GALNT17: variants seen among roughly 807,000 people sequenced by gnomAD.
The protein encoded by GALNT17 is UDP-GalNAc:polypeptide N-acetylgalactosaminyltransferase-like 3.
In GALNT17, 29 loss-of-function variants were observed where a neutral mutation model predicts 63.7. The observed-to-expected ratio is 0.46, with a 90% CI of 0.34 to 0.62. The LOEUF (loss-of-function observed/expected upper bound fraction) is 0.62. Ranked by LOEUF, GALNT17 falls within the 20% of genes least tolerant of loss-of-function variation. GALNT17 has a pLI of 0.01. For synonymous variants in GALNT17, 305 were observed against 318.3 expected (o/e 0.96, Z 0.45); for missense variants, 603 against 799.6 (o/e 0.75, Z 2.97).
chr7:71,440,182 G>A (rs1787040075), intron 5 of GALNT17, among the ~76,000 whole-genome samples: 1 of 151,758 alleles, frequency 6.6e-6, no homozygotes, highest in Non-Finnish European at 1.5e-5. Flanking sequence ...CATCTTTTCA[G>A]GCCCTCTTAC....
At chr7:71,630,326 G>A (rs138322677) in intron 6 of GALNT17, among the ~76,000 whole-genome samples, 35 of 152,194 alleles carry the variant, frequency 2.3e-4, no homozygotes, top group African/African-American at 7.0e-4. Flanking sequence ...GCAAACTCCC[G>A]TGCCAAAAAA....
In GALNT17 at chr7:71,133,042, T is replaced by A. The variant is rs1381873569; in HGVS notation, c.238+2T>A. On this transcript the variant is annotated splice_donor_variant, in intron 1 of 10. Coordinates refer to ENST00000333538, the MANE Select transcript of GALNT17 (RefSeq NM_022479.3). LOFTEE classifies it high-confidence loss of function. Reference sequence around the variant, plus strand: ...ACATCGTGTACCGGCAGCTGAATGGTAAGGACGCACGCCGGCGCCTCCGGG... The same window carrying A: ...ACATCGTGTACCGGCAGCTGAATGGAAAGGACGCACGCCGGCGCCTCCGGG... 2 of 1,560,394 alleles carry A rather than the reference T, an allele frequency of 1.3e-6. No individual in the cohort carries two copies. The highest frequency in any genetic ancestry group is 1.7e-6 in the Non-Finnish European group (2 of 1,155,118).
At chr7:71,198,903 A>T (rs1363102704) in intron 1 of GALNT17, among the ~76,000 whole-genome samples, 2 of 152,204 alleles carry the variant, frequency 1.3e-5, no homozygotes, top group Non-Finnish European at 2.9e-5. Context: ...TCAGAATCAC[A>T]TGGAGAGCTT....
chr7:71,387,889 T>C (rs1205087241), intron 2 of GALNT17, among the ~76,000 whole-genome samples: 1 of 152,144 alleles, frequency 6.6e-6, no homozygotes, highest in Admixed American at 6.5e-5. Context: ...ACTCAAACCT[T>C]TGTTTCAGGC....
intron 3 of GALNT17, among the ~76,000 whole-genome samples, chr7:71,411,224 G>A (rs111828490): frequency 6.6e-6 from 1 of 152,002 alleles, no homozygotes; most frequent in South Asian, 2.1e-4. Context: ...GGGTTCAAGC[G>A]ATTCTTCCAC....
intron 5 of GALNT17, among the ~76,000 whole-genome samples, chr7:71,555,095 C>T (rs796791445): frequency 2.0e-5 from 3 of 152,136 alleles, no homozygotes; most frequent in African/African-American, 7.2e-5. Flanking sequence ...GTCCTAGAGT[C>T]TTCGTTAACA....
At chr7:71,450,943 T>TA (rs201170997) in intron 5 of GALNT17, among the ~76,000 whole-genome samples, 1 of 137,970 alleles carries the variant, frequency 7.2e-6, no homozygotes, top group African/African-American at 2.7e-5. Context: ...TTTTTTTTTT[T>TA]ATTATACTCT....
At chr7:71,584,800 C>T (rs371076679) in intron 6 of GALNT17, among the ~76,000 whole-genome samples, 2 of 151,872 alleles carry the variant, frequency 1.3e-5, no homozygotes, top group African/African-American at 2.4e-5. Context: ...GACAGAGTCT[C>T]GCGAAGTGCA....
chr7:71,323,245 A>G (rs1308751768), intron 1 of GALNT17, among the ~76,000 whole-genome samples: 1 of 152,174 alleles, frequency 6.6e-6, no homozygotes, highest in Non-Finnish European at 1.5e-5. Context: ...TATTTATTTG[A>G]ACTATAAACC....
intron 6 of GALNT17, among the ~76,000 whole-genome samples, chr7:71,622,787 C>T (rs1482298348): frequency 2.0e-5 from 3 of 152,150 alleles, no homozygotes; most frequent in Non-Finnish European, 2.9e-5. Context: ...TTCTCCCAGG[C>T]GAGTTCTAAG....
chr7:71,239,542 G>A (rs1789957175), intron 1 of GALNT17, among the ~76,000 whole-genome samples: 1 of 152,204 alleles, frequency 6.6e-6, no homozygotes. Flanking sequence ...TTGTTATGCA[G>A]CAAGAGAGAT....
At chr7:71,325,975 A>G (rs1791697735) in intron 1 of GALNT17, among the ~76,000 whole-genome samples, 1 of 152,236 alleles carries the variant, frequency 6.6e-6, no homozygotes, top group African/African-American at 2.4e-5. Context: ...CCCAGTCTTC[A>G]TACCACTTTA....
At chr7:71,638,002 A>G (rs776249082) in intron 6 of GALNT17, among the ~76,000 whole-genome samples, 5 of 152,226 alleles carry the variant, frequency 3.3e-5, no homozygotes, top group African/African-American at 9.6e-5. Context: ...TCTTGATGAT[A>G]TGCTAAACAA....
chr7:71,435,142 C>A (rs757709), intron 5 of GALNT17, among the ~76,000 whole-genome samples: 126,174 of 152,106 alleles, frequency 0.83, 52,916 homozygotes, highest in Non-Finnish European at 0.9. Context: ...CCTGGGCATC[C>A]TAGCAAGACC....
chr7:71,594,428 C>T (rs950048784), intron 6 of GALNT17, among the ~76,000 whole-genome samples: 30 of 152,012 alleles, frequency 2.0e-4, no homozygotes, highest in African/African-American at 5.5e-4. Flanking sequence ...TAGCTGGGAC[C>T]GCAGGTGTGC....
chr7:71,140,929 G>A (rs1177369615), intron 1 of GALNT17, among the ~76,000 whole-genome samples: 1 of 152,152 alleles, frequency 6.6e-6, no homozygotes, highest in African/African-American at 2.4e-5. Context: ...GCTGAGGTGG[G>A]AGGAACGCTT....
At position 71,565,171 on chromosome 7, in the gene GALNT17, G is replaced by A. The variant is rs1451476866; in HGVS notation, c.963-6114G>A. ...AATCCCAGCTACTTGGGATGCTGAGGCAGGAGAATCGCTTGAACCCAGGAG... is the reference window on the plus strand; with the variant it reads ...AATCCCAGCTACTTGGGATGCTGAGACAGGAGAATCGCTTGAACCCAGGAG... On this transcript the variant is annotated intron_variant, in intron 5 of 10. Transcript: ENST00000333538. Among the ~76,000 whole-genome samples, 3 of 152,066 alleles carry A rather than the reference G, an allele frequency of 2.0e-5. No individual in the cohort carries two copies. In the South Asian group the frequency reaches 6.2e-4, roughly 32 times the overall value.
intron 5 of GALNT17, among the ~76,000 whole-genome samples, chr7:71,523,159 C>A (rs1470911717): frequency 5.3e-5 from 8 of 152,342 alleles, no homozygotes; most frequent in Non-Finnish European, 1.2e-4. Context: ...GGTGCAGTGG[C>A]TCATGCGTGT....
At chr7:71,654,724 G>A (rs1790803100) in intron 6 of GALNT17, among the ~76,000 whole-genome samples, 1 of 152,078 alleles carries the variant, frequency 6.6e-6, no homozygotes, top group African/African-American at 2.4e-5. Flanking sequence ...TATGCTTTCA[G>A]GAAGAAAGCT....
Sources: allele counts gnomAD v4.1 joint callset (sites outside exome capture counted in the v4.1 genomes callset), GRCh38; gene constraint gnomAD v4.1.1; transcripts MANE v1.5; gene names NCBI Gene and HGNC (gene_info 2026-07-23, HGNC 2026-07-21).